Variants in STYX observed in about 807,000 individuals in gnomAD.
STYX encodes the protein serine/threonine/tyrosine-interacting protein.
Under a neutral mutation model 42.7 loss-of-function variants are expected in STYX, and 20 were observed. The ratio of observed to expected loss-of-function variants is 0.47; its 90% CI spans 0.33 to 0.68. The LOEUF is 0.68. STYX is among the 30% of genes least tolerant of loss of function. The pLI is 0.02. For synonymous variants in STYX, 78 were observed against 81.9 expected (o/e 0.95, Z 0.26); for missense variants, 226 against 268.5 (o/e 0.84, Z 1.11).
At chr14:52,732,771 A>G (rs1017702513) in intron 1 of STYX, among the ~76,000 whole-genome samples, 19 of 151,990 alleles carry the variant, frequency 1.3e-4, no homozygotes, top group African/African-American at 4.1e-4. Flanking sequence ...CCCACGTTCA[A>G]AAGATTCTCC....
intron 1 of STYX, among the ~76,000 whole-genome samples, chr14:52,733,497 A>G (rs1463275002): frequency 6.6e-6 from 1 of 152,152 alleles, no homozygotes; most frequent in East Asian, 1.9e-4. Context: ...GGCTGCCCCC[A>G]ACCTCAGATG....
In STYX at chr14:52,757,454, A is replaced by G. The variant is rs893481034; in HGVS notation, c.340+99A>G. On this transcript the variant is annotated intron_variant, in intron 6 of 10. Transcript: ENST00000354586. ...TTAAATGCAGGATATGGAAGTTACA[A>G]TTATATGTAGTAGCTTACTCCCAAA... 1.2e-4 allele frequency: 135 copies of G among 1,144,432 alleles called. No homozygotes were observed. The African/African-American group carries it at 1.8e-3, about 15-fold the overall frequency. 70.9% of individuals were successfully genotyped at this position (1,144,432 alleles called of 1,614,324 possible).
intron 8 of STYX, 82 bp downstream of exon 8, chr14:52,758,006 GT>G (rs1275468061): frequency 1.4e-6 from 2 of 1,452,332 alleles, no homozygotes; most frequent in Non-Finnish European, 1.9e-6. Context: ...GAAGTTTGAA[GT>G]TCTTATTCCC....
intron 3 of STYX, among the ~76,000 whole-genome samples, chr14:52,747,878 G>C (rs1881453405): frequency 6.6e-6 from 1 of 152,180 alleles, no homozygotes; most frequent in Non-Finnish European, 1.5e-5. Flanking sequence ...TGTAATCCCA[G>C]CTACTCGCGA....
rs562659501 is a variant in STYX at position 52,770,789 on chromosome 14, T to C, written c.599-244T>C. On this transcript the variant is annotated intron_variant, in intron 10 of 10. Transcript: ENST00000354586. ...TCTATTTTCACACTATTTCAAAAATTATTTATTTTATATGCAATACCTAAG... is the reference window on the plus strand; with the variant it reads ...TCTATTTTCACACTATTTCAAAAATCATTTATTTTATATGCAATACCTAAG... Among the ~76,000 whole-genome samples the C allele has an allele frequency of 1.2e-4, 18 of 152,202 alleles. 1 individual carries two copies. The South Asian group carries it at 3.7e-3, about 32-fold the overall frequency.
chr14:52,764,391 T>C (rs1046502499), intron 9 of STYX, among the ~76,000 whole-genome samples: 2 of 152,302 alleles, frequency 1.3e-5, no homozygotes, highest in African/African-American at 4.8e-5. Flanking sequence ...TTCCTTTTCC[T>C]TCAAGCTTTC....
At chr14:52,740,119 A>G (rs1295680621) in intron 1 of STYX, among the ~76,000 whole-genome samples, 1 of 152,138 alleles carries the variant, frequency 6.6e-6, no homozygotes, top group Non-Finnish European at 1.5e-5. Context: ...TCTACTAAAA[A>G]TACAAAAATT....
chr14:52,758,382 C>T (rs1191586005), intron 8 of STYX, among the ~76,000 whole-genome samples: 1 of 152,246 alleles, frequency 6.6e-6, no homozygotes, highest in Non-Finnish European at 1.5e-5. Context: ...TAATGAGCTT[C>T]TTGCCCCAAG....
chr14:52,730,372 C>G lies in STYX; in HGVS notation c.-103C>G. 8.1e-7 allele frequency: 1 copy of G among 1,228,766 alleles called. No individual in the cohort carries two copies. The highest frequency in any genetic ancestry group is 1.2e-6 in the Non-Finnish European group (1 of 854,344). The allele number at this position is 1,228,766 out of a possible 1,614,324, so 76.1% of individuals were successfully genotyped here. A position where few individuals can be genotyped will look rare whatever the true frequency, so the allele number is the denominator to read the frequency against. ...ATCCCGCCGCCCTCCTGTCAGCCCT[C>G]CGCTCCGCCGGCCCTCCTTCCTTCC... is the stretch of plus-strand genomic sequence containing the variant. On this transcript the variant is annotated 5_prime_UTR_variant, in exon 1 of 11. Transcript: ENST00000354586.
chr14:52,755,051 G>A (rs1317578831), intron 4 of STYX, among the ~76,000 whole-genome samples: 1 of 151,164 alleles, frequency 6.6e-6, no homozygotes, highest in African/African-American at 2.4e-5. Flanking sequence ...CGAAATCCTT[G>A]TAGGTTAAAT....
chr14:52,753,039 C>T lies in STYX; in HGVS notation c.242+2259C>T, dbSNP rs190315550. Among the ~76,000 whole-genome samples, 1,047 of 146,284 alleles carry T rather than the reference C, an allele frequency of 7.2e-3. 22 individuals are homozygous for T. The highest frequency in any genetic ancestry group is 0.041 in the Admixed American group (606 of 14,606). The stretch of plus-strand genomic sequence containing the variant: ...GGGATTACAGGCATGTGCCACCACA[C>T]CCAGCTAATTTTTTTTTTTTTTTTT... On this transcript the variant is annotated intron_variant, in intron 4 of 10. Transcript: ENST00000354586.
At chr14:52,741,845 A>T (rs1309579968) in intron 1 of STYX, among the ~76,000 whole-genome samples, 1 of 151,990 alleles carries the variant, frequency 6.6e-6, no homozygotes, top group Admixed American at 6.6e-5. Context: ...AATTTCTTTA[A>T]ATTTTTTATA....
intron 10 of STYX, among the ~76,000 whole-genome samples, chr14:52,769,870 T>G (rs1882447645): frequency 6.6e-6 from 1 of 152,146 alleles, no homozygotes; most frequent in African/African-American, 2.4e-5. Flanking sequence ...ATATTTTTCC[T>G]TTGCCAAAGC....
Position 52,759,766 on chromosome 14 carries a change from T to G in STYX, c.504+12T>G, listed in dbSNP as rs1303311016. ...TCCATCAACTTCAGGTAACTTTTCT[T>G]CCTCTTTAAGGCAATCAGAAGTAAG... On this transcript the variant is annotated intron_variant, in intron 9 of 10. Transcript: ENST00000354586. The G allele has an allele frequency of 1.3e-6, 2 of 1,573,830 alleles. No individual in the cohort carries two copies. The highest frequency in any genetic ancestry group is 1.7e-6 in the Non-Finnish European group (2 of 1,145,740).
At chr14:52,770,098 A>G (rs1422100206) in intron 10 of STYX, among the ~76,000 whole-genome samples, 1 of 152,090 alleles carries the variant, frequency 6.6e-6, no homozygotes, top group Admixed American at 6.6e-5. Context: ...ATGATGATTA[A>G]TGCACTCTTC....
intron 1 of STYX, among the ~76,000 whole-genome samples, chr14:52,732,091 GTTTTTTTTTTT>G (rs560828155): frequency 4.7e-5 from 4 of 86,000 alleles, no homozygotes; most frequent in Non-Finnish European, 9.6e-5. Flanking sequence ...TATACTCATG[GTTTTTTTTTTT>G]TTTTTTTTTT....
intron 1 of STYX, among the ~76,000 whole-genome samples, chr14:52,737,111 T>C (rs1489817111): frequency 1.3e-5 from 2 of 152,206 alleles, no homozygotes; most frequent in African/African-American, 4.8e-5. Context: ...TATTTTAGTA[T>C]TGTGTATATA....
At chr14:52,739,227 T>C (rs1185358184) in intron 1 of STYX, among the ~76,000 whole-genome samples, 2 of 152,180 alleles carry the variant, frequency 1.3e-5, no homozygotes, top group African/African-American at 2.4e-5. Flanking sequence ...TAGACTGTTA[T>C]CGAATCCTGA....
At chr14:52,745,052 G>A (rs565921789) in intron 2 of STYX, among the ~76,000 whole-genome samples, 168 bp downstream of exon 2, 11 of 151,738 alleles carry the variant, frequency 7.2e-5, no homozygotes, top group African/African-American at 2.7e-4. Flanking sequence ...TAAAACGATG[G>A]GAAATTAGAA....
Sources: gnomAD v4.1 joint callset for allele counts (sites outside exome capture counted in the v4.1 genomes callset) on GRCh38, gnomAD v4.1.1 for gene constraint, MANE v1.5 for transcripts, NCBI Gene and HGNC (gene_info 2026-07-23, HGNC 2026-07-21) for gene names.